IQGAP1: variants seen among roughly 807,000 people sequenced by gnomAD.
IQGAP1 encodes IQ motif containing GTPase activating protein 1, also known as ras GTPase-activating-like protein IQGAP1.
Under a neutral mutation model 215.6 loss-of-function variants are expected in IQGAP1, and 66 were observed. That is an observed-to-expected ratio of 0.31 (90% CI 0.25 to 0.38). IQGAP1 has a LOEUF of 0.38. Ranked by LOEUF, IQGAP1 falls within the 10% of genes least tolerant of loss-of-function variation. The pLI, the probability that IQGAP1 is intolerant of heterozygous loss-of-function variation, is 1.00. For synonymous variants in IQGAP1, 772 were observed against 728.7 expected, an observed-to-expected ratio of 1.06 and a Z score of -0.96; for missense variants, 1,712 against 1,997.1, an observed-to-expected ratio of 0.86 and a Z score of 2.72.
intron 17 of IQGAP1, 22 bp downstream of exon 17, chr15:90,466,458 ATG>A (rs781232563): frequency 1.2e-6 from 2 of 1,612,714 alleles, no homozygotes; most frequent in Non-Finnish European, 1.7e-6. Flanking sequence ...GATAATACAT[ATG>A]TGCCCTGAAG....
At chr15:90,414,873 C>G (rs1965022449) in intron 2 of IQGAP1, among the ~76,000 whole-genome samples, 2 of 152,218 alleles carry the variant, frequency 1.3e-5, no homozygotes, top group South Asian at 2.1e-4. Context: ...TGCTCATCCT[C>G]TCCGGCTTTT....
intron 30 of IQGAP1, among the ~76,000 whole-genome samples, chr15:90,485,471 G>C (rs1472893701): frequency 2.6e-5 from 4 of 151,928 alleles, no homozygotes; most frequent in African/African-American, 9.7e-5. Flanking sequence ...ATGGAGTCTT[G>C]CTCTGTCACT....
chr15:90,427,482 G>A (rs1214117284), intron 3 of IQGAP1, among the ~76,000 whole-genome samples: 2 of 152,130 alleles, frequency 1.3e-5, no homozygotes, highest in South Asian at 2.1e-4. Flanking sequence ...GTTCATGCCT[G>A]TAATCCCAGC....
chr15:90,408,229 G>C (rs1311358967), intron 2 of IQGAP1, among the ~76,000 whole-genome samples: 4 of 152,174 alleles, frequency 2.6e-5, no homozygotes, highest in Admixed American at 1.3e-4. Context: ...AGTTGAATGA[G>C]TACAGAGTTG....
At chr15:90,396,285 G>A (rs935890919) in intron 2 of IQGAP1, among the ~76,000 whole-genome samples, 48 of 152,238 alleles carry the variant, frequency 3.2e-4, no homozygotes, top group African/African-American at 9.4e-4. Flanking sequence ...GGCACCCTGG[G>A]ATCATGAAAA....
At chr15:90,430,941 T>A (rs1205747323) in intron 4 of IQGAP1, among the ~76,000 whole-genome samples, 1 of 148,058 alleles carries the variant, frequency 6.8e-6, no homozygotes, top group Non-Finnish European at 1.5e-5. Flanking sequence ...ATATGACTTA[T>A]ACAATATATT....
rs771739474 is a variant in IQGAP1, at chr15:90,476,692, C to CA, written c.2822dup (p.Asn941LysfsTer2). The CA allele has an allele frequency of 2.0e-5, 31 of 1,577,232 alleles. No individual in the cohort carries two copies. The highest frequency in any genetic ancestry group is 7.1e-5 in the South Asian group (6 of 84,526). ...TGGTTTCCCACAGTAAAAAACTTAC[C>CA]AAAAAAAATAAGGAACAGTTGTCTG... is the stretch of plus-strand genomic sequence containing the variant. On this transcript the variant is annotated frameshift_variant, in exon 24 of 38. Coordinates refer to ENST00000268182, the MANE Select transcript of IQGAP1 (RefSeq NM_003870.4). LOFTEE classifies it high-confidence loss of function.
chr15:90,394,861 C>T (rs561847355), intron 2 of IQGAP1, among the ~76,000 whole-genome samples: 9 of 152,284 alleles, frequency 5.9e-5, no homozygotes, highest in African/African-American at 2.2e-4. Context: ...CTAGGGCACT[C>T]CATTTTCTCC....
chr15:90,484,634 G>A (rs1026777641), intron 30 of IQGAP1, among the ~76,000 whole-genome samples: 3 of 152,002 alleles, frequency 2.0e-5, no homozygotes, highest in Admixed American at 6.5e-5. Context: ...TCAGCCTCCC[G>A]AGTAGCTGGG....
intron 2 of IQGAP1, among the ~76,000 whole-genome samples, chr15:90,412,397 A>G (rs76710032): frequency 6.6e-6 from 1 of 152,228 alleles, no homozygotes; most frequent in African/African-American, 2.4e-5. Flanking sequence ...TTTCTCCTAC[A>G]ACTGCTCAGA....
chr15:90,396,489 T>C (rs534756348), intron 2 of IQGAP1, among the ~76,000 whole-genome samples: 1 of 152,262 alleles, frequency 6.6e-6, no homozygotes, highest in South Asian at 2.1e-4. Flanking sequence ...TGAGACCCAG[T>C]GTGACTAAAG....
intron 2 of IQGAP1, among the ~76,000 whole-genome samples, chr15:90,401,328 T>G (rs1349677680): frequency 6.6e-6 from 1 of 152,202 alleles, no homozygotes; most frequent in Non-Finnish European, 1.5e-5. Context: ...GAATGTTGGG[T>G]TAAAATTTTT....
intron 9 of IQGAP1, among the ~76,000 whole-genome samples, chr15:90,444,866 G>C (rs190927410): frequency 1.9e-4 from 29 of 152,264 alleles, no homozygotes; most frequent in Non-Finnish European, 3.4e-4. Flanking sequence ...ATCTGGGCCA[G>C]GCAATTCCAG....
At chr15:90,392,262 G>A (rs1417363585) in intron 2 of IQGAP1, among the ~76,000 whole-genome samples, 1 of 152,192 alleles carries the variant, frequency 6.6e-6, no homozygotes, top group Non-Finnish European at 1.5e-5. Context: ...AAGTGAGGAG[G>A]ATAACACTTG....
chr15:90,417,056 T>A (rs1415096743), intron 2 of IQGAP1, among the ~76,000 whole-genome samples: 1 of 152,122 alleles, frequency 6.6e-6, no homozygotes, highest in East Asian at 1.9e-4. Context: ...TGTGATGGGG[T>A]TGTTTGTTTC....
intron 18 of IQGAP1, among the ~76,000 whole-genome samples, chr15:90,470,201 A>G (rs906781637): frequency 3.9e-5 from 6 of 151,970 alleles, no homozygotes; most frequent in African/African-American, 1.2e-4. Flanking sequence ...CACTCTACTC[A>G]CCACTCTGTA....
At position 90,418,214 on chromosome 15, in the gene IQGAP1, CT is replaced by C. The variant is rs572569817; in HGVS notation, c.156-7885del. Among the ~76,000 whole-genome samples, 206 of 143,442 alleles carry C rather than the reference CT, an allele frequency of 1.4e-3. 1 individual carries two copies. Among genetic ancestry groups the C allele is most frequent in the African/African-American group, 3.7e-3 (144 of 39,192 alleles). The allele number at this position is 143,442 out of a possible 152,430, so 94.1% of individuals were successfully genotyped here. ...AATACGTGGGTGTCAGAATAGACAC[CT>C]TTTTTTTTTTGAGGAATTGACTTAA... On this transcript the variant is annotated intron_variant, in intron 2 of 37. Transcript: ENST00000268182.
intron 15 of IQGAP1, among the ~76,000 whole-genome samples, chr15:90,459,207 GA>G (rs1034414790): frequency 6.6e-6 from 1 of 152,124 alleles, no homozygotes; most frequent in Non-Finnish European, 1.5e-5. Context: ...TTAGAAAACA[GA>G]TGTTAATTAT....
At chr15:90,402,876 C>T (rs1196492044) in intron 2 of IQGAP1, among the ~76,000 whole-genome samples, 2 of 152,060 alleles carry the variant, frequency 1.3e-5, no homozygotes, top group Non-Finnish European at 2.9e-5. Flanking sequence ...AGGCATTAAT[C>T]AGCAGGTCAT....
Sources: allele counts gnomAD v4.1 joint callset (sites outside exome capture counted in the v4.1 genomes callset), GRCh38; gene constraint gnomAD v4.1.1; transcripts MANE v1.5; gene names NCBI Gene and HGNC (gene_info 2026-07-23, HGNC 2026-07-21).